CACNB2: variants seen among roughly 807,000 people sequenced by gnomAD.
The protein encoded by CACNB2 is voltage-dependent L-type calcium channel subunit beta-2.
A neutral mutation model predicts 73.3 loss-of-function variants in CACNB2; 42 were observed. The observed-to-expected ratio is 0.57, with a 90% CI of 0.45 to 0.74. CACNB2 has a LOEUF of 0.74. Among genes scored for constraint, CACNB2 ranks in the 30% least tolerant of loss-of-function variants. CACNB2 has a pLI of 0.00. For synonymous variants in CACNB2, 348 were observed against 310.3 expected (o/e 1.12, Z -1.28); for missense variants, 940 against 853.0 (o/e 1.10, Z -1.27).
At chr10:18,200,536 T>C in intron 2 of CACNB2, among the ~76,000 whole-genome samples, 1 of 151,946 alleles carries the variant, frequency 6.6e-6, no homozygotes, top group Middle Eastern at 3.2e-3. Context: ...ATAATAAAAT[T>C]TAAAACTTCC....
chr10:18,434,109 G>A (rs770149029), intron 3 of CACNB2, among the ~76,000 whole-genome samples: 2 of 152,096 alleles, frequency 1.3e-5, no homozygotes, highest in African/African-American at 2.4e-5. Context: ...GGGAATTTTG[G>A]CCATGAACTG....
intron 3 of CACNB2, among the ~76,000 whole-genome samples, chr10:18,414,423 G>T (rs1042526152): frequency 6.6e-6 from 1 of 151,752 alleles, no homozygotes; most frequent in African/African-American, 2.4e-5. Flanking sequence ...ACTTTCTTAT[G>T]GGTAACAGTC....
At chr10:18,490,412 C>G (rs1198632404) in intron 3 of CACNB2, among the ~76,000 whole-genome samples, 2 of 152,144 alleles carry the variant, frequency 1.3e-5, no homozygotes, top group Non-Finnish European at 2.9e-5. Flanking sequence ...GAAAAGGAAT[C>G]AATTCCTTTT....
intron 2 of CACNB2, among the ~76,000 whole-genome samples, chr10:18,273,935 G>A (rs891517564): frequency 6.6e-6 from 1 of 152,028 alleles, no homozygotes; most frequent in East Asian, 1.9e-4. Context: ...TCTTGTTGTT[G>A]GAATTTCTTC....
At chr10:18,142,394 T>C (rs1014208712) in intron 1 of CACNB2, among the ~76,000 whole-genome samples, 1 of 152,182 alleles carries the variant, frequency 6.6e-6, no homozygotes, top group Non-Finnish European at 1.5e-5. Flanking sequence ...TGCCAGAGGA[T>C]CTGAATTTTA....
rs755545712 is a variant in CACNB2, at chr10:18,536,160, G to A, written c.1266G>A (p.Gln422=). ...CTCAAGCTAAACACCTCAACGTCCA[G>A]ATGGTAGCAGCTGATAAACTGGCTC... ...GKSQAKHLNV[Q]MVAADKLAQC... is the part of the protein sequence containing the mutation. The change falls in exon 12 of 14, where the codon CAG becomes CAA. Residue 422 remains glutamine (Q), a synonymous_variant. Coordinates refer to ENST00000324631, the MANE Select transcript of CACNB2 (RefSeq NM_201596.3). 1 of 1,595,250 alleles carries A rather than the reference G, an allele frequency of 6.3e-7. No individual in the cohort carries two copies. Among genetic ancestry groups the A allele is most frequent in the South Asian group, 1.1e-5 (1 of 90,674 alleles).
chr10:18,225,578 C>CTCCT (rs56364247), intron 2 of CACNB2, among the ~76,000 whole-genome samples: 1,984 of 137,212 alleles, frequency 0.014, 25 homozygotes, highest in African/African-American at 0.038. Context: ...CCCTCCCTCG[C>CTCCT]TCCTTCCTTC....
At chr10:18,276,094 G>A (rs1012685608) in intron 2 of CACNB2, among the ~76,000 whole-genome samples, 10 of 152,236 alleles carry the variant, frequency 6.6e-5, no homozygotes, top group African/African-American at 2.2e-4. Context: ...AATAAATACA[G>A]AACATCTCTG....
chr10:18,509,985 AAGG>A (rs1423513871), intron 6 of CACNB2, among the ~76,000 whole-genome samples: 1 of 152,242 alleles, frequency 6.6e-6, no homozygotes, highest in Non-Finnish European at 1.5e-5. Context: ...TTCTCATTAA[AAGG>A]AGAACCATCT....
At chr10:18,322,061 CAGG>C (rs2040417103) in intron 2 of CACNB2, among the ~76,000 whole-genome samples, 1 of 152,080 alleles carries the variant, frequency 6.6e-6, no homozygotes, top group Non-Finnish European at 1.5e-5. Flanking sequence ...GTGGCTGAGG[CAGG>C]AGGATCTCTT....
chr10:18,229,798 G>A (rs1383437133), intron 2 of CACNB2, among the ~76,000 whole-genome samples: 1 of 152,130 alleles, frequency 6.6e-6, no homozygotes, highest in African/African-American at 2.4e-5. Context: ...GCCCTTTTTA[G>A]AAGGATGTTT....
intron 2 of CACNB2, among the ~76,000 whole-genome samples, chr10:18,230,400 A>C (rs1176996597): frequency 6.6e-6 from 1 of 152,158 alleles, no homozygotes; most frequent in Admixed American, 6.5e-5. Context: ...TACTGTTATT[A>C]AACACATGAA....
At chr10:18,400,550 T>A (rs896088848) in intron 2 of CACNB2, 19 of 1,022,136 alleles carry the variant, frequency 1.9e-5, no homozygotes, top group Non-Finnish European at 2.1e-5. Context: ...TGCGTCCTCC[T>A]CCCTCCGCCT....
rs1453091887 is a variant in CACNB2, at chr10:18,366,438, C to G, written c.214-35486C>G. Reference sequence around the variant, plus strand: ...CAAGATCGCGCCACTGCACTCCAGCCTGGGCGACAGAGTGAGACTCCGTCT... The same window carrying G: ...CAAGATCGCGCCACTGCACTCCAGCGTGGGCGACAGAGTGAGACTCCGTCT... On this transcript the variant is annotated intron_variant, in intron 2 of 13. Coordinates refer to ENST00000324631, the MANE Select transcript of CACNB2 (RefSeq NM_201596.3). Among the ~76,000 whole-genome samples the G allele has an allele frequency of 4.8e-5, 7 of 144,556 alleles. No homozygotes were observed. The East Asian group carries it at 1.0e-3, about 21-fold the overall frequency. The allele number at this position is 144,556 out of a possible 152,430, so 94.8% of individuals were successfully genotyped here.
chr10:18,254,879 A>G (rs2037219130), intron 2 of CACNB2, among the ~76,000 whole-genome samples: 1 of 152,234 alleles, frequency 6.6e-6, no homozygotes, highest in South Asian at 2.1e-4. Context: ...GAACACGGGA[A>G]CGTGTATGTA....
chr10:18,209,238 A>G (rs2131343935), intron 2 of CACNB2, among the ~76,000 whole-genome samples: 1 of 152,332 alleles, frequency 6.6e-6, no homozygotes, highest in Non-Finnish European at 1.5e-5. Context: ...GCCTTAGGCA[A>G]ACAATGGTTT....
At chr10:18,161,479 A>C (rs1490656996) in intron 2 of CACNB2, among the ~76,000 whole-genome samples, 1 of 152,106 alleles carries the variant, frequency 6.6e-6, no homozygotes, top group African/African-American at 2.4e-5. Flanking sequence ...CTTGGAAAGC[A>C]CATCTCTGAG....
chr10:18,327,029 A>G (rs184061793), intron 2 of CACNB2, among the ~76,000 whole-genome samples: 2 of 144,684 alleles, frequency 1.4e-5, no homozygotes, highest in Admixed American at 1.4e-4. Context: ...GCACCTAGTG[A>G]AAGTAATGAT....
intron 3 of CACNB2, among the ~76,000 whole-genome samples, chr10:18,441,965 G>T (rs1367725726): frequency 1.3e-5 from 2 of 152,218 alleles, no homozygotes; most frequent in African/African-American, 4.8e-5. Context: ...TACATATACA[G>T]TTAAGGTAAT....
Sources: gnomAD v4.1 joint callset for allele counts (sites outside exome capture counted in the v4.1 genomes callset) on GRCh38, gnomAD v4.1.1 for gene constraint, MANE v1.5 for transcripts, NCBI Gene and HGNC (gene_info 2026-07-23, HGNC 2026-07-21) for gene names.